Variants in PXDNL observed in about 807,000 individuals in gnomAD.
PXDNL encodes probable oxidoreductase PXDNL.
A neutral mutation model predicts 150.8 loss-of-function variants in PXDNL; 145 were observed. That is an observed-to-expected ratio of 0.96 (90% CI 0.84 to 1.10). PXDNL has a LOEUF of 1.10. Ranked by LOEUF, PXDNL falls within the 50% of genes least tolerant of loss-of-function variation. The pLI is 0.00. For synonymous variants in PXDNL, 757 were observed against 725.7 expected (o/e 1.04, Z -0.69); for missense variants, 2,087 against 1,873.9 (o/e 1.11, Z -2.10).
chr8:51,372,022 G>T lies in PXDNL; in HGVS notation c.3752C>A (p.Ala1251Glu), dbSNP rs1308770951. 6.2e-7 allele frequency: 1 copy of T among 1,611,422 alleles called. No homozygotes were observed. Among genetic ancestry groups the T allele is most frequent in the African/African-American group, 1.3e-5 (1 of 74,842 alleles). Reference sequence around the variant, plus strand: ...GTCACAAAGCACCCGGCTCAGGGACGCCTGCTTCAGCTGAGTGAGTTGTGC... The same window carrying T: ...GTCACAAAGCACCCGGCTCAGGGACTCCTGCTTCAGCTGAGTGAGTTGTGC... Reference protein sequence around the residue: ...TPAQLTQLKQASLSRVLCDNG... With the variant: ...TPAQLTQLKQESLSRVLCDNG... The change falls in exon 19 of 23, where the codon GCG becomes GAG. Residue 1251 changes from alanine to glutamate, a missense_variant. Physicochemically the swap from Ala to Glu is moderately radical, Grantham distance 107. Coordinates refer to ENST00000356297, the MANE Select transcript of PXDNL (RefSeq NM_144651.5).
At chr8:51,521,927 T>C (rs1364106618) in intron 4 of PXDNL, among the ~76,000 whole-genome samples, 1 of 152,128 alleles carries the variant, frequency 6.6e-6, no homozygotes, top group Non-Finnish European at 1.5e-5. Context: ...TGAAGTTGAC[T>C]TCAAAGGTGA....
At chr8:51,427,707 A>C (rs1266651213) in intron 12 of PXDNL, among the ~76,000 whole-genome samples, 1 of 152,178 alleles carries the variant, frequency 6.6e-6, no homozygotes, top group Non-Finnish European at 1.5e-5. Context: ...TGAGTTACAG[A>C]CCTCTCAGAA....
At chr8:51,587,737 G>GAATA (rs112809991) in intron 3 of PXDNL, among the ~76,000 whole-genome samples, 7,748 of 152,106 alleles carry the variant, frequency 0.051, 453 homozygotes, top group African/African-American at 0.15. Flanking sequence ...CCTCTCTTAA[G>GAATA]ATTAACTCAA....
chr8:51,700,655 C>T (rs1036236232), intron 1 of PXDNL, among the ~76,000 whole-genome samples: 4 of 151,718 alleles, frequency 2.6e-5, no homozygotes, highest in Admixed American at 1.3e-4. Context: ...CACATGTATA[C>T]ACACATATAA....
intron 19 of PXDNL, among the ~76,000 whole-genome samples, chr8:51,356,889 T>C (rs1218128659): frequency 1.3e-5 from 2 of 152,188 alleles, no homozygotes; most frequent in African/African-American, 4.8e-5. Flanking sequence ...CAGTGGGCAC[T>C]TACTATTCCC....
chr8:51,789,735 G>A (rs16916810), intron 1 of PXDNL, among the ~76,000 whole-genome samples: 104,433 of 151,972 alleles, frequency 0.69, 42,347 homozygotes, highest in Non-Finnish European at 0.9. Flanking sequence ...ATGACAAAAG[G>A]CTTATCTTTA....
chr8:51,578,835 G>A (rs1420331230), intron 3 of PXDNL, among the ~76,000 whole-genome samples: 3 of 152,008 alleles, frequency 2.0e-5, no homozygotes, highest in Middle Eastern at 3.4e-3. Context: ...TTTTGACAAA[G>A]GTGCAGAAGC....
At chr8:51,486,794 A>ATATTTTTT (rs1810773699) in intron 5 of PXDNL, among the ~76,000 whole-genome samples, 2 of 24,714 alleles carry the variant, frequency 8.1e-5, no homozygotes, top group African/African-American at 1.8e-4. Flanking sequence ...ATATATATAT[A>ATATTTTTT]TTTTTTTTTT....
chr8:51,719,526 C>G (rs1319996441), intron 1 of PXDNL, among the ~76,000 whole-genome samples: 2 of 152,028 alleles, frequency 1.3e-5, no homozygotes, highest in African/African-American at 4.8e-5. Context: ...GGTCCCCTGC[C>G]TAGGAAAACC....
At chr8:51,344,551 A>G (rs995316331) in intron 20 of PXDNL, among the ~76,000 whole-genome samples, 1 of 152,138 alleles carries the variant, frequency 6.6e-6, no homozygotes, top group African/African-American at 2.4e-5. Flanking sequence ...GGGCCCCAAT[A>G]AGAATTAATC....
At position 51,502,882 on chromosome 8, in the gene PXDNL, G is replaced by A. The variant is rs548102471; in HGVS notation, c.381-3112C>T. Among the ~76,000 whole-genome samples, 67 of 152,216 alleles carry A rather than the reference G, an allele frequency of 4.4e-4. 1 individual carries two copies. In the South Asian group the frequency reaches 0.013, roughly 31 times the overall value. On this transcript the variant is annotated intron_variant, in intron 4 of 22. Coordinates refer to ENST00000356297, the MANE Select transcript of PXDNL (RefSeq NM_144651.5). ...TTATATACTGAGCCACCTAAAATTAGAGCAAAGAGACAATCTAAGGGGTAG... is the reference window on the plus strand; with the variant it reads ...TTATATACTGAGCCACCTAAAATTAAAGCAAAGAGACAATCTAAGGGGTAG...
chr8:51,808,384 C>A (rs2037700782), intron 1 of PXDNL, among the ~76,000 whole-genome samples: 1 of 151,908 alleles, frequency 6.6e-6, no homozygotes, highest in Non-Finnish European at 1.5e-5. Context: ...CTTTTTCTTT[C>A]TTTAAAAATA....
intron 7 of PXDNL, 38 bp downstream of exon 7, chr8:51,474,934 G>C: frequency 6.8e-7 from 1 of 1,475,804 alleles, no homozygotes; most frequent in East Asian, 2.5e-5. Flanking sequence ...GCAAATGAGA[G>C]ACAGTTCTAT....
At position 51,508,928 on chromosome 8, in the gene PXDNL, C is replaced by T. The variant is rs572876709; in HGVS notation, c.381-9158G>A. Reference sequence around the variant, plus strand: ...AATTCCTTTTACTTCTTTCTTTCTCCAACATCCTACATCTAAGTGGTTGGT... The same window carrying T: ...AATTCCTTTTACTTCTTTCTTTCTCTAACATCCTACATCTAAGTGGTTGGT... On this transcript the variant is annotated intron_variant, in intron 4 of 22. Transcript: ENST00000356297. 5.9e-5 allele frequency among the ~76,000 whole-genome samples: 9 copies of T among 152,244 alleles called. No homozygotes were observed. The South Asian group carries it at 1.2e-3, about 21-fold the overall frequency.
chr8:51,424,477 A>G lies in PXDNL; in HGVS notation c.1639-746T>C, dbSNP rs557542637. On this transcript the variant is annotated intron_variant, in intron 13 of 22. Coordinates refer to ENST00000356297, the MANE Select transcript of PXDNL (RefSeq NM_144651.5). ...TATTTCTAATTTCCCTTCTATTTCT[A>G]CCTTGTATGTACTCATATGTTTTGT... Among the ~76,000 whole-genome samples the G allele has an allele frequency of 2.0e-5, 3 of 152,134 alleles. No individual in the cohort carries two copies. The East Asian group carries it at 5.8e-4, about 29-fold the overall frequency.
At chr8:51,794,487 C>T (rs952511418) in intron 1 of PXDNL, among the ~76,000 whole-genome samples, 3 of 152,186 alleles carry the variant, frequency 2.0e-5, no homozygotes, top group African/African-American at 7.2e-5. Context: ...CCCTACAAGC[C>T]AGAAGAGATT....
At chr8:51,344,592 T>C (rs1049494412) in intron 20 of PXDNL, among the ~76,000 whole-genome samples, 2 of 152,220 alleles carry the variant, frequency 1.3e-5, no homozygotes, top group African/African-American at 2.4e-5. Context: ...CACTCCATGA[T>C]TGGATTTCAC....
At chr8:51,700,897 A>T (rs1457872669) in intron 1 of PXDNL, among the ~76,000 whole-genome samples, 1 of 151,808 alleles carries the variant, frequency 6.6e-6, no homozygotes. Context: ...TACACAATAT[A>T]CTCCTATACA....
chr8:51,532,692 CTT>C (rs1811931535), intron 4 of PXDNL, among the ~76,000 whole-genome samples: 1 of 152,174 alleles, frequency 6.6e-6, no homozygotes, highest in Non-Finnish European at 1.5e-5. Context: ...AGTGTGGTCT[CTT>C]TGACAAAGTC....
Sources: gnomAD v4.1 joint callset for allele counts (sites outside exome capture counted in the v4.1 genomes callset) on GRCh38, gnomAD v4.1.1 for gene constraint, MANE v1.5 for transcripts, NCBI Gene and HGNC (gene_info 2026-07-23, HGNC 2026-07-21) for gene names.